SLC4A10: variants seen among roughly 807,000 people sequenced by gnomAD.
SLC4A10 encodes the protein sodium-driven chloride bicarbonate exchanger.
Under a neutral mutation model 137.7 loss-of-function variants are expected in SLC4A10, and 42 were observed. The ratio of observed to expected loss-of-function variants is 0.30; its 90% CI spans 0.24 to 0.39. SLC4A10 has a LOEUF of 0.39. SLC4A10 is among the 10% of genes least tolerant of loss of function. The pLI, the probability that SLC4A10 is intolerant of heterozygous loss-of-function variation, is 1.00. For missense variants in SLC4A10, 925 were observed against 1,355.0 expected (o/e 0.68, Z 4.98); for synonymous variants, 474 against 464.1 (o/e 1.02, Z -0.27).
intron 6 of SLC4A10, among the ~76,000 whole-genome samples, chr2:161,866,343 T>C (rs2060747862): frequency 6.6e-6 from 1 of 152,014 alleles, no homozygotes; most frequent in Non-Finnish European, 1.5e-5. Context: ...CCATTCCTTT[T>C]TTAGTGATTT....
intron 15 of SLC4A10, among the ~76,000 whole-genome samples, chr2:161,907,249 T>A (rs1684653634): frequency 6.6e-6 from 1 of 152,116 alleles, no homozygotes; most frequent in South Asian, 2.1e-4. Context: ...GAGAATATTG[T>A]AAACAGGGCT....
At chr2:161,904,992 G>A in intron 14 of SLC4A10, 83 bp downstream of exon 14, 1 of 1,421,228 alleles carries the variant, frequency 7.0e-7, no homozygotes, top group African/African-American at 1.4e-5. Context: ...CACTTTTGGA[G>A]GTCTGTTGAT....
intron 1 of SLC4A10, among the ~76,000 whole-genome samples, chr2:161,683,223 G>A (rs1209221014): frequency 1.3e-5 from 2 of 152,122 alleles, no homozygotes; most frequent in African/African-American, 2.4e-5. Context: ...CTCCTATTTA[G>A]TTGTCTATTT....
At chr2:161,643,682 T>C (rs1158230497) in intron 1 of SLC4A10, among the ~76,000 whole-genome samples, 4 of 152,210 alleles carry the variant, frequency 2.6e-5, no homozygotes, top group Non-Finnish European at 5.9e-5. Flanking sequence ...GTGACTGACG[T>C]GGTCTGCATA....
chr2:161,845,588 A>G (rs2059441037), intron 4 of SLC4A10, among the ~76,000 whole-genome samples: 1 of 152,134 alleles, frequency 6.6e-6, no homozygotes, highest in African/African-American at 2.4e-5. Context: ...AAATTATTCT[A>G]AAGGAAGGAA....
At chr2:161,816,651 C>T (rs955747179) in intron 3 of SLC4A10, among the ~76,000 whole-genome samples, 93 of 134,430 alleles carry the variant, frequency 6.9e-4, no homozygotes, top group Non-Finnish European at 1.3e-3. Context: ...CACAACAGTC[C>T]CCAGTGTGTG....
At chr2:161,969,018 G>A (rs923504452) in intron 23 of SLC4A10, among the ~76,000 whole-genome samples, 19 of 152,158 alleles carry the variant, frequency 1.2e-4, no homozygotes, top group African/African-American at 4.6e-4. Context: ...CAGAAATGTT[G>A]CATTTCTGCA....
At chr2:161,729,258 T>C (rs2046571751) in intron 1 of SLC4A10, among the ~76,000 whole-genome samples, 1 of 152,124 alleles carries the variant, frequency 6.6e-6, no homozygotes, top group Non-Finnish European at 1.5e-5. Context: ...AAACCATTTA[T>C]ATCCACAAAC....
chr2:161,654,905 T>TA (rs1272132369), intron 1 of SLC4A10, among the ~76,000 whole-genome samples: 1 of 152,130 alleles, frequency 6.6e-6, no homozygotes, highest in African/African-American at 2.4e-5. Flanking sequence ...TTTCTATTTG[T>TA]AAAAAAATGC....
chr2:161,668,895 C>T (rs2105770619), intron 1 of SLC4A10, among the ~76,000 whole-genome samples: 1 of 151,990 alleles, frequency 6.6e-6, no homozygotes, highest in East Asian at 1.9e-4. Context: ...ATTTATTTCA[C>T]TATGAATGTT....
chr2:161,809,287 T>C (rs975256578), intron 3 of SLC4A10, among the ~76,000 whole-genome samples: 3 of 152,126 alleles, frequency 2.0e-5, no homozygotes, highest in African/African-American at 7.2e-5. Context: ...ATCAGACATT[T>C]TTTGAATGCA....
intron 9 of SLC4A10, 89 bp downstream of exon 9, chr2:161,879,377 G>T: frequency 7.5e-7 from 1 of 1,341,042 alleles, no homozygotes; most frequent in South Asian, 1.6e-5. Flanking sequence ...TTCTGTTAGA[G>T]TTTTGACTAG....
chr2:161,865,583 C>T (rs1012845645), intron 6 of SLC4A10, among the ~76,000 whole-genome samples: 2 of 151,980 alleles, frequency 1.3e-5, no homozygotes, highest in African/African-American at 4.8e-5. Flanking sequence ...CTTATAACAC[C>T]TCCTTATGAC....
chr2:161,962,141 A>G (rs905334118), intron 21 of SLC4A10, among the ~76,000 whole-genome samples: 48 of 152,338 alleles, frequency 3.2e-4, no homozygotes, highest in African/African-American at 1.1e-3. Context: ...GAAGGAATCT[A>G]TGTTACCTGC....
At chr2:161,653,499 C>T (rs2037096959) in intron 1 of SLC4A10, among the ~76,000 whole-genome samples, 1 of 152,218 alleles carries the variant, frequency 6.6e-6, no homozygotes, top group Admixed American at 6.5e-5. Flanking sequence ...CACATCCTCT[C>T]CAGCATCTGT....
intron 5 of SLC4A10, among the ~76,000 whole-genome samples, chr2:161,858,555 A>C (rs955471690): frequency 2.6e-5 from 4 of 152,186 alleles, no homozygotes; most frequent in African/African-American, 7.2e-5. Flanking sequence ...AATTCTCCAG[A>C]TATATCTTCT....
intron 1 of SLC4A10, among the ~76,000 whole-genome samples, chr2:161,647,856 G>C (rs999242124): frequency 1.3e-5 from 2 of 152,144 alleles, no homozygotes; most frequent in Non-Finnish European, 2.9e-5. Context: ...TGGATTAGAG[G>C]AGAAGGTCCA....
intron 1 of SLC4A10, among the ~76,000 whole-genome samples, chr2:161,709,308 C>A (rs2044033725): frequency 6.6e-6 from 1 of 151,530 alleles, no homozygotes; most frequent in South Asian, 2.1e-4. Context: ...ATGCTGCTAC[C>A]ATTGTAGTGT....
chr2:161,775,102 G>A (rs767554682), intron 2 of SLC4A10, among the ~76,000 whole-genome samples: 20 of 151,788 alleles, frequency 1.3e-4, no homozygotes, highest in Admixed American at 6.6e-4. Flanking sequence ...AGTTTCTGCC[G>A]CTTTTAAAGG....
Sources: allele counts gnomAD v4.1 joint callset (sites outside exome capture counted in the v4.1 genomes callset), GRCh38; gene constraint gnomAD v4.1.1; transcripts MANE v1.5; gene names NCBI Gene and HGNC (gene_info 2026-07-23, HGNC 2026-07-21).